The following NTNG1 variants were observed in gnomAD, a reference collection of about 807,000 sequenced individuals.
NTNG1 encodes netrin-G1.
A neutral mutation model predicts 54.0 loss-of-function variants in NTNG1; 16 were observed. The observed-to-expected ratio is 0.30, with a 90% CI of 0.20 to 0.45. The LOEUF (loss-of-function observed/expected upper bound fraction) is 0.45. NTNG1 is among the 20% of genes least tolerant of loss of function. The pLI is 1.00. For synonymous variants in NTNG1, 255 were observed against 263.1 expected (o/e 0.97, Z 0.30); for missense variants, 530 against 678.7 (o/e 0.78, Z 2.43).
intron 2 of NTNG1, among the ~76,000 whole-genome samples, chr1:107,165,403 C>T (rs1655717966): frequency 6.6e-6 from 1 of 152,116 alleles, no homozygotes. Context: ...GACGAAAAAT[C>T]CCTAACTCCT....
chr1:107,401,744 T>C (rs1673056636), intron 4 of NTNG1, among the ~76,000 whole-genome samples: 1 of 151,530 alleles, frequency 6.6e-6, no homozygotes, highest in Non-Finnish European at 1.5e-5. Flanking sequence ...CTGAAATAAA[T>C]GGAAAGACAG....
chr1:107,460,901 G>A (rs1175963491), intron 7 of NTNG1, among the ~76,000 whole-genome samples: 1 of 152,086 alleles, frequency 6.6e-6, no homozygotes, highest in Admixed American at 6.5e-5. Context: ...GTTGTCATCG[G>A]GTCTTAGAGC....
chr1:107,348,881 C>T (rs11185097), intron 3 of NTNG1, among the ~76,000 whole-genome samples: 13,837 of 152,242 alleles, frequency 0.091, 741 homozygotes, highest in East Asian at 0.16. Context: ...CCTCTCTCAA[C>T]TCTATTTTCC....
chr1:107,295,536 G>A (rs1052597568), intron 2 of NTNG1, among the ~76,000 whole-genome samples: 2 of 152,092 alleles, frequency 1.3e-5, no homozygotes, highest in Admixed American at 1.3e-4. Context: ...AATATCTGCT[G>A]GACTTAGGTC....
intron 6 of NTNG1, among the ~76,000 whole-genome samples, chr1:107,434,081 C>T (rs906289567): frequency 7.9e-5 from 12 of 152,172 alleles, no homozygotes; most frequent in Admixed American, 2.6e-4. Flanking sequence ...ATCTTGGAAA[C>T]TTTGAACTTC....
rs545886930 is a variant in NTNG1, at chr1:107,375,013, C to T, written c.888-20141C>T. ...GATTTTCTAGTCTGACTAGTGAGCA[C>T]CGGCACTATTCCTAGCCTTGTGTGA... is the stretch of plus-strand genomic sequence containing the variant. On this transcript the variant is annotated intron_variant, in intron 3 of 7. Transcript: ENST00000370068. Among the ~76,000 whole-genome samples, 76 of 152,276 alleles carry T rather than the reference C, an allele frequency of 5.0e-4. 1 individual carries two copies. Among genetic ancestry groups the T allele is most frequent in the African/African-American group, 1.5e-3 (63 of 41,558 alleles).
intron 7 of NTNG1, among the ~76,000 whole-genome samples, chr1:107,443,951 G>T (rs758747514): frequency 2.6e-5 from 4 of 152,092 alleles, no homozygotes; most frequent in Admixed American, 2.0e-4. Flanking sequence ...GGAAGGAAGT[G>T]CTCTTTAAAC....
At chr1:107,211,100 T>C (rs1456593287) in intron 2 of NTNG1, among the ~76,000 whole-genome samples, 2 of 152,188 alleles carry the variant, frequency 1.3e-5, no homozygotes, top group African/African-American at 4.8e-5. Context: ...AATTATTTCA[T>C]ATGTGTTGGT....
At chr1:107,364,575 C>T (rs1158455589) in intron 3 of NTNG1, among the ~76,000 whole-genome samples, 1 of 152,220 alleles carries the variant, frequency 6.6e-6, no homozygotes, top group Non-Finnish European at 1.5e-5. Context: ...ACGACGTGCT[C>T]AGAAGGGCCT....
At position 107,377,788 on chromosome 1, in the gene NTNG1, G is replaced by A. The variant is rs116813519; in HGVS notation, c.888-17366G>A. ...TTTACTGGGGAATCTCCCTAGACGTGTGGATGTGCAAACGAGGCATCAGAC... is the reference window on the plus strand; with the variant it reads ...TTTACTGGGGAATCTCCCTAGACGTATGGATGTGCAAACGAGGCATCAGAC... On this transcript the variant is annotated intron_variant, in intron 3 of 7. Coordinates refer to ENST00000370068, the MANE Select transcript of NTNG1 (RefSeq NM_001113226.3). 3.4e-3 allele frequency among the ~76,000 whole-genome samples: 522 copies of A among 152,376 alleles called. 4 individuals are homozygous for A. Among genetic ancestry groups the A allele is most frequent in the Middle Eastern group, 6.8e-3 (2 of 294 alleles).
At chr1:107,205,273 A>G (rs1386217621) in intron 2 of NTNG1, among the ~76,000 whole-genome samples, 1 of 151,550 alleles carries the variant, frequency 6.6e-6, no homozygotes, top group African/African-American at 2.4e-5. Context: ...ATGTAGATCT[A>G]GGCTGTGTCT....
chr1:107,233,816 A>G (rs1460722037), intron 2 of NTNG1, among the ~76,000 whole-genome samples: 1 of 152,058 alleles, frequency 6.6e-6, no homozygotes, highest in Non-Finnish European at 1.5e-5. Flanking sequence ...GCTCCTTTTT[A>G]TATTAAGTTT....
rs115207015 is a variant in NTNG1 at position 107,221,006 on chromosome 1, T to C, written c.246+72167T>C. Among the ~76,000 whole-genome samples, 327 of 152,260 alleles carry C rather than the reference T, an allele frequency of 2.1e-3. 3 individuals carry two copies. The highest frequency in any genetic ancestry group is 7.3e-3 in the African/African-American group (304 of 41,558). ...TATCAATGTAACCTTGAGCAAATCATTTACCTCCTCTAAGCCTGGCAAACT... is the reference window on the plus strand; with the variant it reads ...TATCAATGTAACCTTGAGCAAATCACTTACCTCCTCTAAGCCTGGCAAACT... On this transcript the variant is annotated intron_variant, in intron 2 of 7. Transcript: ENST00000370068.
chr1:107,385,625 C>T (rs1671914698), intron 3 of NTNG1, among the ~76,000 whole-genome samples: 1 of 151,782 alleles, frequency 6.6e-6, no homozygotes, highest in African/African-American at 2.4e-5. Flanking sequence ...TATCAGTTAC[C>T]AGTCTTGGCC....
At chr1:107,295,173 G>T (rs1438897857) in intron 2 of NTNG1, among the ~76,000 whole-genome samples, 1 of 152,148 alleles carries the variant, frequency 6.6e-6, no homozygotes, top group Admixed American at 6.5e-5. Context: ...TTTTTAAAGT[G>T]GAGCCCAGTG....
chr1:107,252,079 T>G (rs146124630), intron 2 of NTNG1, among the ~76,000 whole-genome samples: 171 of 152,318 alleles, frequency 1.1e-3, no homozygotes, highest in African/African-American at 3.9e-3. Context: ...ATGAGGACAG[T>G]AGCATCTGCA....
chr1:107,381,331 G>A (rs1387620892), intron 3 of NTNG1, among the ~76,000 whole-genome samples: 1 of 92,534 alleles, frequency 1.1e-5, no homozygotes, highest in African/African-American at 4.3e-5. Context: ...CCAAAATATA[G>A]CACCTTTCTC....
chr1:107,320,949 A>G (rs1322336057), intron 2 of NTNG1, among the ~76,000 whole-genome samples: 2 of 152,102 alleles, frequency 1.3e-5, no homozygotes, highest in Admixed American at 1.3e-4. Context: ...TGCTGAAAAT[A>G]TCACTAAGAG....
At position 107,455,669 on chromosome 1, in the gene NTNG1, G is replaced by A. The variant is rs768718829; in HGVS notation, c.1390+18870G>A. 2.5e-5 allele frequency: 12 copies of A among 475,926 alleles called. 1 individual carries two copies. The highest frequency in any genetic ancestry group is 1.7e-4 in the South Asian group (11 of 66,068). 29.5% of individuals were successfully genotyped at this position (475,926 alleles called of 1,614,324 possible). On this transcript the variant is annotated intron_variant, in intron 7 of 7. Transcript: ENST00000370068. ...GCTGTTGCACTGCAGCCATTTCTGT[G>A]AAATGAGGTGACAGCACTGGAGAGC...
Sources: allele counts gnomAD v4.1 joint callset (sites outside exome capture counted in the v4.1 genomes callset), GRCh38; gene constraint gnomAD v4.1.1; transcripts MANE v1.5; gene names NCBI Gene and HGNC (gene_info 2026-07-23, HGNC 2026-07-21).